The following ROS1 variants were observed in gnomAD, a reference collection of about 807,000 sequenced individuals.
ROS1 encodes the protein ROS proto-oncogene 1, receptor tyrosine kinase.
Under a neutral mutation model 273.5 loss-of-function variants are expected in ROS1, and 263 were observed. The observed-to-expected ratio is 0.96, with a 90% CI of 0.87 to 1.06. ROS1 has a LOEUF of 1.06. ROS1 is among the 50% of genes least tolerant of loss of function. The probability of loss-of-function intolerance (pLI) is 0.00; values close to 1 mark genes in which losing one functional copy is unlikely to be tolerated. For missense variants in ROS1, 2,833 were observed against 2,751.1 expected (o/e 1.03, Z -0.67); for synonymous variants, 1,008 against 954.1 (o/e 1.06, Z -1.04).
chr6:117,370,422 A>AT (rs1450535182), intron 18 of ROS1, among the ~76,000 whole-genome samples: 33 of 152,294 alleles, frequency 2.2e-4, no homozygotes, highest in Admixed American at 1.7e-3. Flanking sequence ...AAATGTGTGA[A>AT]TATCTCTGGA....
chr6:117,321,239 T>C lies in ROS1; in HGVS notation c.5759+20A>G, dbSNP rs750253210. On this transcript the variant is annotated intron_variant, in intron 36 of 43. Transcript: ENST00000368507. ...CACCCTTTGCCTAGGTGCTCCATAA[T>C]GATGGCCAAAGCTACATACTGTATT... 18 of 1,607,226 alleles carry C rather than the reference T, an allele frequency of 1.1e-5. No individual in the cohort carries two copies. The South Asian group carries it at 1.7e-4, about 15-fold the overall frequency.
chr6:117,310,797 A>G (rs1010468706), intron 40 of ROS1, among the ~76,000 whole-genome samples: 2 of 152,120 alleles, frequency 1.3e-5, no homozygotes, highest in African/African-American at 2.4e-5. Context: ...ATCGATGGGC[A>G]TTTGCGTTGG....
intron 27 of ROS1, among the ~76,000 whole-genome samples, chr6:117,346,757 C>T (rs1420653797): frequency 2.0e-5 from 3 of 151,980 alleles, no homozygotes; most frequent in East Asian, 3.9e-4. Context: ...TCATTATTAC[C>T]CAAAGTCTAT....
At position 117,412,607 on chromosome 6, in the gene ROS1, GATAGATA is replaced by G. The variant is rs1562384050; in HGVS notation, c.255+1905_255+1911del. Among the ~76,000 whole-genome samples, 29 of 33,828 alleles carry G rather than the reference GATAGATA, an allele frequency of 8.6e-4. No individual in the cohort carries two copies. The East Asian group carries it at 0.021, about 24-fold the overall frequency. 22.2% of individuals were successfully genotyped at this position (33,828 alleles called of 152,430 possible). A position where few individuals can be genotyped will look rare whatever the true frequency, so the allele number is the denominator to read the frequency against. On this transcript the variant is annotated intron_variant, in intron 4 of 43. Coordinates refer to ENST00000368507, the MANE Select transcript of ROS1 (RefSeq NM_001378902.1). The stretch of plus-strand genomic sequence containing the variant: ...AGATAGGTACATAGATAGATAGACA[GATAGATA>G]GATAGATAGATAGATAGATATACAC...
intron 24 of ROS1, 140 bp downstream of exon 24, chr6:117,359,669 G>A: frequency 1.4e-6 from 1 of 692,552 alleles, no homozygotes; most frequent in Non-Finnish European, 2.4e-6. Context: ...ATTCATTTGT[G>A]GCTAAATAAT....
chr6:117,362,712 T>G lies in ROS1; in HGVS notation c.3257A>C (p.Gln1086Pro), dbSNP rs1404760277. The change falls in exon 22 of 44, where the codon CAA becomes CCA. Residue 1086 changes from glutamine to proline, a missense_variant. Gln to Pro is a moderately conservative substitution (Grantham distance 76, BLOSUM62 -1). Coordinates refer to ENST00000368507, the MANE Select transcript of ROS1 (RefSeq NM_001378902.1). ...KFEIFYNISN[Q>P]SITNKTCEDW... ...TTCACATGTTTTGTTTGTAATACTTTGATTGGATATATTGTAGAAAATTTC... is the reference window on the plus strand; with the variant it reads ...TTCACATGTTTTGTTTGTAATACTTGGATTGGATATATTGTAGAAAATTTC... 5 of 1,613,584 alleles carry G rather than the reference T, an allele frequency of 3.1e-6. No individual in the cohort carries two copies. The highest frequency in any genetic ancestry group is 1.6e-4 in the Middle Eastern group (1 of 6,080).
At chr6:117,408,619 G>A (rs370594483) in intron 5 of ROS1, among the ~76,000 whole-genome samples, 2 of 152,168 alleles carry the variant, frequency 1.3e-5, no homozygotes, top group African/African-American at 4.8e-5. Context: ...GTTGGTGGGA[G>A]TGTAAACTAG....
chr6:117,360,299 C>CACACACACA, intron 23 of ROS1, 43 bp downstream of exon 23: 2 of 1,455,516 alleles, frequency 1.4e-6, no homozygotes, highest in Non-Finnish European at 1.9e-6. Flanking sequence ...CACACACACA[C>CACACACACA]GCCTCTAAAT....
rs1776494361 is a variant in ROS1, at chr6:117,324,410, A to C, written c.5545T>G (p.Phe1849Val). Residue 1849 changes from phenylalanine to valine, a missense_variant, in exon 35 of 44, where the codon TTT (phenylalanine) becomes GTT (valine). Coordinates refer to ENST00000368507, the MANE Select transcript of ROS1 (RefSeq NM_001378902.1). ...SENIILVGDD[F>V]WIPETSFILT... The stretch of plus-strand genomic sequence containing the variant: ...ATGAAACTTGTTTCTGGTATCCAAA[A>C]ATCATCTAATAATATAAATCAGAAA... The C allele has an allele frequency of 1.5e-6, 2 of 1,351,240 alleles. No homozygotes were observed. Among genetic ancestry groups the C allele is most frequent in the Non-Finnish European group, 2.1e-6 (2 of 954,604 alleles). 83.7% of individuals were successfully genotyped at this position (1,351,240 alleles called of 1,614,324 possible).
At chr6:117,343,116 C>T (rs1778084488) in intron 28 of ROS1, among the ~76,000 whole-genome samples, 1 of 151,672 alleles carries the variant, frequency 6.6e-6, no homozygotes, top group South Asian at 2.1e-4. Flanking sequence ...CGATGTGCCG[C>T]CAAGGTTGAG....
At chr6:117,397,534 C>T (rs1340386193) in intron 7 of ROS1, among the ~76,000 whole-genome samples, 4 of 152,186 alleles carry the variant, frequency 2.6e-5, no homozygotes, top group Non-Finnish European at 5.9e-5. Flanking sequence ...GGCCTTTTCA[C>T]TCATTTGAGT....
intron 27 of ROS1, among the ~76,000 whole-genome samples, chr6:117,345,310 TC>T (rs1214865680): frequency 6.6e-6 from 1 of 152,248 alleles, no homozygotes; most frequent in Non-Finnish European, 1.5e-5. Context: ...GCATCATTTT[TC>T]CTGGGAAGCC....
intron 18 of ROS1, among the ~76,000 whole-genome samples, chr6:117,377,134 G>C (rs1393919731): frequency 6.6e-6 from 1 of 152,128 alleles, no homozygotes. Flanking sequence ...TATTTTGACA[G>C]AGTTTCACTC....
At position 117,365,632 on chromosome 6, in the gene ROS1, C is replaced by T. The variant is rs774330592; in HGVS notation, c.2907G>A (p.Ala969=). The T allele has an allele frequency of 1.7e-5, 28 of 1,612,596 alleles. No individual in the cohort carries two copies. Among genetic ancestry groups the T allele is most frequent in the Middle Eastern group, 1.6e-4 (1 of 6,062 alleles). ...TGTAGAAAACTACACCCCAGTCTACCGCAGGGGGACCATTCCACAGGATTT... is the reference window on the plus strand; with the variant it reads ...TGTAGAAAACTACACCCCAGTCTACTGCAGGGGGACCATTCCACAGGATTT... The part of the protein sequence containing the change: ...SFQILWNGPP[A]VDWGVVFYSV... Residue 969 remains alanine, a synonymous_variant, in exon 20 of 44, where the codon GCG becomes GCA. Coordinates refer to ENST00000368507, the MANE Select transcript of ROS1 (RefSeq NM_001378902.1).
chr6:117,328,719 T>C, intron 33 of ROS1: 1 of 613,816 alleles, frequency 1.6e-6, no homozygotes, highest in South Asian at 1.4e-5. Flanking sequence ...AAATCAGTCC[T>C]TCTAAGCCAG....
chr6:117,338,520 AG>A (rs1290227579), intron 31 of ROS1, among the ~76,000 whole-genome samples: 1 of 148,494 alleles, frequency 6.7e-6, no homozygotes, highest in Non-Finnish European at 1.5e-5. Context: ...CCTCAGAGAG[AG>A]AGAAATTAAC....
intron 4 of ROS1, among the ~76,000 whole-genome samples, chr6:117,410,198 A>C (rs1433412805): frequency 1.3e-5 from 2 of 152,210 alleles, no homozygotes; most frequent in Non-Finnish European, 2.9e-5. Context: ...TGGTTGGCTG[A>C]ATTGATTTGA....
intron 38 of ROS1, 89 bp downstream of exon 38, chr6:117,318,099 G>A (rs9282844): frequency 0.043 from 38,878 of 910,440 alleles, 993 homozygotes; most frequent in African/African-American, 0.052. Context: ...GTCATGATCC[G>A]TTAAGTCATG....
At chr6:117,422,668 A>G (rs980810784) in intron 1 of ROS1, among the ~76,000 whole-genome samples, 1 of 152,090 alleles carries the variant, frequency 6.6e-6, no homozygotes, top group Non-Finnish European at 1.5e-5. Flanking sequence ...ATAGTCTTTC[A>G]GTTGATTTTC....
Sources: allele counts gnomAD v4.1 joint callset (sites outside exome capture counted in the v4.1 genomes callset), GRCh38; gene constraint gnomAD v4.1.1; transcripts MANE v1.5; gene names NCBI Gene and HGNC (gene_info 2026-07-23, HGNC 2026-07-21).